EFNA5: variants seen among roughly 807,000 people sequenced by gnomAD.
The protein encoded by EFNA5 is ephrin-A5.
A neutral mutation model predicts 22.9 loss-of-function variants in EFNA5; 5 were observed. The ratio of observed to expected loss-of-function variants is 0.22; its 90% CI spans 0.11 to 0.46. The LOEUF (loss-of-function observed/expected upper bound fraction) is 0.46, where lower values mean the gene tolerates loss of function less well. Among genes scored for constraint, EFNA5 ranks in the 20% least tolerant of loss-of-function variants. The pLI is 0.99. For missense variants in EFNA5, 237 were observed against 293.3 expected (o/e 0.81, Z 1.40); for synonymous variants, 113 against 112.2 (o/e 1.01, Z -0.04).
chr5:107,427,094 G>A (rs759391711), intron 2 of EFNA5, 123 bp downstream of exon 2: 15 of 1,006,492 alleles, frequency 1.5e-5, no homozygotes, highest in Admixed American at 2.1e-5. Context: ...CCTGATGTAC[G>A]CATTTACAAG....
At chr5:107,638,109 T>A (rs1750424897) in intron 1 of EFNA5, among the ~76,000 whole-genome samples, 1 of 152,010 alleles carries the variant, frequency 6.6e-6, no homozygotes, top group Non-Finnish European at 1.5e-5. Context: ...CACCTTGGCC[T>A]CTCAAAGTGC....
chr5:107,387,213 G>A (rs1490563147), intron 4 of EFNA5, 22 bp downstream of exon 4: 1 of 1,532,062 alleles, frequency 6.5e-7, no homozygotes, highest in Non-Finnish European at 8.9e-7. Context: ...TTTGTTAAAA[G>A]AGATTCTCTA....
At chr5:107,493,696 A>G (rs1477662772) in intron 1 of EFNA5, among the ~76,000 whole-genome samples, 11 of 152,226 alleles carry the variant, frequency 7.2e-5, no homozygotes, top group African/African-American at 2.7e-4. Flanking sequence ...AACTTCAGTA[A>G]CTACCTGTAC....
chr5:107,527,614 G>A (rs1330544939), intron 1 of EFNA5, among the ~76,000 whole-genome samples: 3 of 152,098 alleles, frequency 2.0e-5, no homozygotes, highest in Non-Finnish European at 4.4e-5. Context: ...CATCTAGATT[G>A]GGGTGTGTGT....
chr5:107,546,683 C>CACACAA, intron 1 of EFNA5, among the ~76,000 whole-genome samples: 1 of 122,456 alleles, frequency 8.2e-6, no homozygotes, highest in African/African-American at 3.1e-5. Context: ...CACACACACA[C>CACACAA]ACACTCTCAC....
At chr5:107,400,595 A>G (rs1748057992) in intron 2 of EFNA5, among the ~76,000 whole-genome samples, 1 of 152,250 alleles carries the variant, frequency 6.6e-6, no homozygotes, top group South Asian at 2.1e-4. Flanking sequence ...ATTCTTTAAT[A>G]TATCACAGTG....
At chr5:107,593,815 C>T (rs1022503497) in intron 1 of EFNA5, among the ~76,000 whole-genome samples, 2 of 152,196 alleles carry the variant, frequency 1.3e-5, no homozygotes, top group African/African-American at 4.8e-5. Context: ...TAATTACAAA[C>T]TCACCCAAGA....
intron 1 of EFNA5, among the ~76,000 whole-genome samples, chr5:107,615,351 T>C (rs1371102320): frequency 2.0e-5 from 3 of 152,080 alleles, no homozygotes; most frequent in African/African-American, 7.2e-5. Context: ...CTCTGTTCCA[T>C]CATGAGGATG....
chr5:107,399,172 C>A (rs890719012), intron 2 of EFNA5, among the ~76,000 whole-genome samples: 2 of 151,884 alleles, frequency 1.3e-5, no homozygotes, highest in African/African-American at 4.8e-5. Flanking sequence ...TGAAAGGAGG[C>A]CAGGCGTGGT....
In EFNA5 at chr5:107,452,526, C is replaced by G. The variant is rs551786274; in HGVS notation, c.126-25017G>C. On this transcript the variant is annotated intron_variant, in intron 1 of 4. Transcript: ENST00000333274. ...ATCACTTGAGCCCCGAAGTTTGAGA[C>G]CAACCTGAGCAATACAGTGAAACCC... Among the ~76,000 whole-genome samples, 49 of 152,044 alleles carry G rather than the reference C, an allele frequency of 3.2e-4. 1 individual carries two copies. The South Asian group carries it at 0.01, about 31-fold the overall frequency.
intron 1 of EFNA5, among the ~76,000 whole-genome samples, chr5:107,476,176 C>A (rs1014231776): frequency 5.4e-5 from 8 of 149,186 alleles, no homozygotes; most frequent in Non-Finnish European, 1.2e-4. Flanking sequence ...CTCAGCCTCC[C>A]GAGTAGCTGG....
At chr5:107,424,275 C>T (rs1403542392) in intron 2 of EFNA5, among the ~76,000 whole-genome samples, 6 of 136,936 alleles carry the variant, frequency 4.4e-5, no homozygotes, top group Admixed American at 8.2e-5. Flanking sequence ...GGCTCAATCT[C>T]GGCTCACTGC....
intron 2 of EFNA5, among the ~76,000 whole-genome samples, chr5:107,391,520 G>GA (rs979662118): frequency 6.6e-5 from 10 of 151,016 alleles, no homozygotes; most frequent in Middle Eastern, 3.4e-3. Context: ...GCAAACAGGT[G>GA]AAAAAAAAAT....
chr5:107,507,678 TA>T (rs1333707921), intron 1 of EFNA5, among the ~76,000 whole-genome samples: 29 of 146,426 alleles, frequency 2.0e-4, no homozygotes, highest in East Asian at 1.2e-3. Flanking sequence ...CTCCTAAAGA[TA>T]AAAAAAAAAA....
intron 2 of EFNA5, among the ~76,000 whole-genome samples, chr5:107,413,915 C>T (rs1348513823): frequency 6.6e-6 from 1 of 152,146 alleles, no homozygotes; most frequent in African/African-American, 2.4e-5. Flanking sequence ...CTCTCCCTAA[C>T]CAGAGCTCCC....
At chr5:107,481,841 C>T (rs1580481691) in intron 1 of EFNA5, among the ~76,000 whole-genome samples, 1 of 121,930 alleles carries the variant, frequency 8.2e-6, no homozygotes, top group East Asian at 2.5e-4. Context: ...TAGAGCGAGA[C>T]TCCATCTCAA....
intron 1 of EFNA5, among the ~76,000 whole-genome samples, chr5:107,625,868 C>T (rs1750130933): frequency 6.6e-6 from 1 of 152,130 alleles, no homozygotes; most frequent in African/African-American, 2.4e-5. Flanking sequence ...ATGAAATGTA[C>T]AATTTAGTTG....
At chr5:107,447,297 T>C (rs1749423299) in intron 1 of EFNA5, among the ~76,000 whole-genome samples, 1 of 150,304 alleles carries the variant, frequency 6.7e-6, no homozygotes, top group Admixed American at 6.6e-5. Context: ...GGAAGGCCTG[T>C]TTTAACTTAA....
rs1004986256 is a variant in EFNA5, at chr5:107,378,189, G to C, written c.*3066C>G. 1.4e-5 allele frequency: 2 copies of C among 139,532 alleles called. No homozygotes were observed. The highest frequency in any genetic ancestry group is 3.1e-5 in the Non-Finnish European group (2 of 63,678). The allele number at this position is 139,532 out of a possible 1,614,324, so 8.6% of individuals were successfully genotyped here. A position where few individuals can be genotyped will look rare whatever the true frequency, so the allele number is the denominator to read the frequency against. On this transcript the variant is annotated 3_prime_UTR_variant, in exon 5 of 5. Transcript: ENST00000333274. ...AATAATACAGAATTTAAAGAACGCAGTTTTTTTTTTTTTTTTAATGTTTTA... is the reference window on the plus strand; with the variant it reads ...AATAATACAGAATTTAAAGAACGCACTTTTTTTTTTTTTTTTAATGTTTTA...
Sources: gnomAD v4.1 joint callset for allele counts (sites outside exome capture counted in the v4.1 genomes callset) on GRCh38, gnomAD v4.1.1 for gene constraint, MANE v1.5 for transcripts, NCBI Gene and HGNC (gene_info 2026-07-23, HGNC 2026-07-21) for gene names.